The following DIP2B variants were observed in gnomAD, a reference collection of about 807,000 sequenced individuals.
The protein encoded by DIP2B is DIP2 acetate--CoA ligase B (putative), also known as disco-interacting protein 2 homolog B.
DIP2B carries 76 observed loss-of-function variants against 198.0 expected under a neutral mutation model. That is an observed-to-expected ratio of 0.38 (90% CI 0.32 to 0.46). DIP2B has a LOEUF of 0.46. Among genes scored for constraint, DIP2B ranks in the 20% least tolerant of loss-of-function variants. DIP2B has a pLI of 0.99. For missense variants in DIP2B, 1,559 were observed against 1,978.4 expected (o/e 0.79, Z 4.02); for synonymous variants, 701 against 739.1 (o/e 0.95, Z 0.84).
At chr12:50,618,370 T>C (rs1937741655) in intron 1 of DIP2B, among the ~76,000 whole-genome samples, 2 of 152,184 alleles carry the variant, frequency 1.3e-5, no homozygotes, top group African/African-American at 2.4e-5. Context: ...AGCAGGGCCA[T>C]CTCTGTTCAT....
chr12:50,734,967 G>A, intron 33 of DIP2B, 106 bp from the exon 34 acceptor site: 1 of 1,378,096 alleles, frequency 7.3e-7, no homozygotes, highest in Admixed American at 1.7e-5. Flanking sequence ...GTAGTATGAG[G>A]AAGAGAGACA....
intron 4 of DIP2B, among the ~76,000 whole-genome samples, chr12:50,668,302 G>T (rs987843254): frequency 3.3e-5 from 5 of 152,178 alleles, no homozygotes; most frequent in African/African-American, 1.2e-4. Flanking sequence ...GTAGTGCTTA[G>T]TGTGTTTGTC....
At chr12:50,606,222 G>C (rs552720633) in intron 1 of DIP2B, among the ~76,000 whole-genome samples, 1 of 152,206 alleles carries the variant, frequency 6.6e-6, no homozygotes, top group South Asian at 2.1e-4. Flanking sequence ...CTGGGCACAA[G>C]TGATCTTCCC....
intron 3 of DIP2B, among the ~76,000 whole-genome samples, chr12:50,649,922 A>G (rs1427445163): frequency 2.6e-5 from 4 of 152,026 alleles, no homozygotes; most frequent in Non-Finnish European, 5.9e-5. Flanking sequence ...TTAAGTGCCA[A>G]ACGAGCCCGT....
rs765481405 is a variant in DIP2B, at chr12:50,739,396, AC to A, written c.4177-12del. 1.3e-6 allele frequency: 2 copies of A among 1,599,558 alleles called. No individual in the cohort carries two copies. The highest frequency in any genetic ancestry group is 4.5e-5 in the East Asian group (2 of 44,392). On this transcript the variant is annotated splice_polypyrimidine_tract_variant and intron_variant, in intron 35 of 37. Coordinates refer to ENST00000301180, the MANE Select transcript of DIP2B (RefSeq NM_173602.3). ...GTCCCCAGTGAGTTGTGATCAAAGC[AC>A]TTTTCTTGTAGATTTGGGTGAACAG... is the stretch of plus-strand genomic sequence containing the variant.
At chr12:50,735,202 C>G in intron 34 of DIP2B, 72 bp downstream of exon 34, 1 of 1,546,190 alleles carries the variant, frequency 6.5e-7, no homozygotes, top group Non-Finnish European at 8.9e-7. Flanking sequence ...AAACCAGAAG[C>G]CATATAATAT....
At chr12:50,662,674 G>A (rs992740901) in intron 4 of DIP2B, among the ~76,000 whole-genome samples, 4 of 152,116 alleles carry the variant, frequency 2.6e-5, no homozygotes, top group Admixed American at 6.6e-5. Context: ...GTTTTATCTC[G>A]CATATGTACT....
intron 1 of DIP2B, among the ~76,000 whole-genome samples, chr12:50,513,580 C>T (rs571051283): frequency 2.6e-5 from 4 of 152,146 alleles, no homozygotes; most frequent in Non-Finnish European, 5.9e-5. Context: ...GTTCCTCTTT[C>T]AAAAGTTTTC....
chr12:50,508,095 C>T (rs550502990), intron 1 of DIP2B, among the ~76,000 whole-genome samples: 66 of 152,232 alleles, frequency 4.3e-4, no homozygotes, highest in Admixed American at 9.2e-4. Context: ...TGCTGCAGAG[C>T]GTGTTGCAGA....
At chr12:50,620,397 CAT>C (rs1446684166) in intron 1 of DIP2B, among the ~76,000 whole-genome samples, 1 of 152,218 alleles carries the variant, frequency 6.6e-6, no homozygotes, top group Admixed American at 6.5e-5. Flanking sequence ...CAGCCTCACA[CAT>C]GTGTCTTTCT....
chr12:50,519,422 A>G (rs539183227), intron 1 of DIP2B, among the ~76,000 whole-genome samples: 2 of 152,310 alleles, frequency 1.3e-5, no homozygotes, highest in South Asian at 4.1e-4. Context: ...TTTTAAAAGA[A>G]TGAAAAATAT....
chr12:50,582,129 C>CTTTTTCTT (rs1463964906), intron 1 of DIP2B, among the ~76,000 whole-genome samples: 1 of 114,262 alleles, frequency 8.8e-6, no homozygotes, highest in Non-Finnish European at 1.8e-5. Context: ...ATAATAGCTT[C>CTTTTTCTT]TTTTTCTTTT....
chr12:50,550,476 G>A (rs1365699395), intron 1 of DIP2B, among the ~76,000 whole-genome samples: 1 of 152,170 alleles, frequency 6.6e-6, no homozygotes, highest in African/African-American at 2.4e-5. Flanking sequence ...TTTATTAATA[G>A]CTCTATAAAA....
chr12:50,737,394 G>A (rs1461705050), intron 35 of DIP2B, among the ~76,000 whole-genome samples: 1 of 151,926 alleles, frequency 6.6e-6, no homozygotes, highest in Non-Finnish European at 1.5e-5. Context: ...CACCTATTAA[G>A]GTATGAAACT....
chr12:50,727,599 C>G (rs1025455318), intron 28 of DIP2B, 104 bp from the exon 29 acceptor site: 2 of 993,750 alleles, frequency 2.0e-6, no homozygotes, highest in African/African-American at 1.6e-5. Context: ...TAAGCTTTAG[C>G]AAATCTGCGA....
At chr12:50,564,482 G>C (rs1958546393) in intron 1 of DIP2B, among the ~76,000 whole-genome samples, 1 of 152,156 alleles carries the variant, frequency 6.6e-6, no homozygotes, top group Non-Finnish European at 1.5e-5. Flanking sequence ...ACAGAAAGCT[G>C]TTTATCCAGC....
chr12:50,645,459 C>CTT lies in DIP2B; in HGVS notation c.301+4622_301+4623dup, dbSNP rs11454537. 2.6e-3 allele frequency among the ~76,000 whole-genome samples: 357 copies of CTT among 138,014 alleles called. 2 individuals are homozygous for CTT. The highest frequency in any genetic ancestry group is 0.011 in the Admixed American group (152 of 13,680). 90.5% of individuals were successfully genotyped at this position (138,014 alleles called of 152,430 possible). ...CAAATATGGAAGGATGTACAAAATC[C>CTT]TTTTTTTTTTTTTTTTGAGACAGGG... On this transcript the variant is annotated intron_variant, in intron 3 of 37. Transcript: ENST00000301180.
intron 3 of DIP2B, among the ~76,000 whole-genome samples, chr12:50,644,114 A>G (rs905938928): frequency 5.9e-5 from 9 of 152,236 alleles, no homozygotes; most frequent in Non-Finnish European, 1.2e-4. Flanking sequence ...CAGACACAGT[A>G]TAAAGAACTT....
intron 4 of DIP2B, among the ~76,000 whole-genome samples, chr12:50,663,555 C>CCAATAAAT (rs71441390): frequency 7.1e-6 from 1 of 141,808 alleles, no homozygotes; most frequent in Non-Finnish European, 1.5e-5. Flanking sequence ...GACTCCGTCT[C>CCAATAAAT]AAATAAATAA....
Sources: gnomAD v4.1 joint callset for allele counts (sites outside exome capture counted in the v4.1 genomes callset) on GRCh38, gnomAD v4.1.1 for gene constraint, MANE v1.5 for transcripts, NCBI Gene and HGNC (gene_info 2026-07-23, HGNC 2026-07-21) for gene names.